The following GSK3B variants were observed in gnomAD, a reference collection of about 807,000 sequenced individuals.
GSK3B encodes the protein glycogen synthase kinase 3 beta.
GSK3B carries 15 observed loss-of-function variants against 56.4 expected under a neutral mutation model. That is an observed-to-expected ratio of 0.27 (90% CI 0.18 to 0.41). GSK3B has a LOEUF of 0.41. Ranked by LOEUF, GSK3B falls within the 10% of genes least tolerant of loss-of-function variation. The pLI, the probability that GSK3B is intolerant of heterozygous loss-of-function variation, is 1.00. For synonymous variants in GSK3B, 181 were observed against 188.9 expected (o/e 0.96, Z 0.34); for missense variants, 300 against 513.4 (o/e 0.58, Z 4.02).
chr3:119,850,797 G>C (rs1447135807), intron 9 of GSK3B, among the ~76,000 whole-genome samples: 1 of 152,140 alleles, frequency 6.6e-6, no homozygotes, highest in Non-Finnish European at 1.5e-5. Flanking sequence ...GTGTTGAAGA[G>C]ACTGAAATTG....
rs895324816 is a variant in GSK3B, at chr3:119,823,479, T to C, written c.*3309A>G. On this transcript the variant is annotated 3_prime_UTR_variant, in exon 11 of 11. Coordinates refer to ENST00000264235, the MANE Select transcript of GSK3B (RefSeq NM_001146156.2). ...ACTTCGATTTATAAAAAAACAATTC[T>C]CTGTCACTCTCTCATTTGGGAGGGA... 1.0e-5 allele frequency: 2 copies of C among 192,938 alleles called. No individual in the cohort carries two copies. Among genetic ancestry groups the C allele is most frequent in the Non-Finnish European group, 2.2e-5 (2 of 92,398 alleles). 12.0% of individuals were successfully genotyped at this position (192,938 alleles called of 1,614,324 possible).
chr3:119,847,010 C>T (rs62264708), intron 9 of GSK3B, among the ~76,000 whole-genome samples: 36,733 of 151,892 alleles, frequency 0.24, 4,895 homozygotes, highest in East Asian at 0.48. Flanking sequence ...AGCTGGAAAC[C>T]ATCATTCTCA....
At chr3:119,835,525 T>C (rs1321489281) in intron 10 of GSK3B, among the ~76,000 whole-genome samples, 2 of 152,212 alleles carry the variant, frequency 1.3e-5, no homozygotes, top group East Asian at 3.8e-4. Flanking sequence ...AGCCCATTTT[T>C]TAAAAAACAT....
chr3:119,922,448 T>C (rs2056852860), intron 4 of GSK3B, among the ~76,000 whole-genome samples: 1 of 147,946 alleles, frequency 6.8e-6, no homozygotes, highest in Admixed American at 6.8e-5. Flanking sequence ...ATATAGTGTA[T>C]ATTATATATA....
At chr3:119,895,765 G>A (rs769796816) in intron 7 of GSK3B, among the ~76,000 whole-genome samples, 1 of 152,100 alleles carries the variant, frequency 6.6e-6, no homozygotes. Flanking sequence ...TAATTGATCT[G>A]TATGGCTACA....
At chr3:119,924,857 G>C (rs1377423416) in intron 3 of GSK3B, among the ~76,000 whole-genome samples, 1 of 152,120 alleles carries the variant, frequency 6.6e-6, no homozygotes, top group East Asian at 1.9e-4. Flanking sequence ...GAGTAATTGT[G>C]ACAGAGACTA....
intron 7 of GSK3B, among the ~76,000 whole-genome samples, chr3:119,886,693 T>C (rs947782207): frequency 6.6e-6 from 1 of 151,816 alleles, no homozygotes; most frequent in Non-Finnish European, 1.5e-5. Context: ...CATGCAGCCA[T>C]AAAAAAAATT....
At chr3:120,008,170 C>A (rs1229277752) in intron 1 of GSK3B, among the ~76,000 whole-genome samples, 1 of 152,156 alleles carries the variant, frequency 6.6e-6, no homozygotes. Flanking sequence ...ATACAACTTA[C>A]AAGGGATGTG....
intron 1 of GSK3B, among the ~76,000 whole-genome samples, chr3:120,033,030 C>A (rs904274585): frequency 3.9e-5 from 6 of 152,174 alleles, no homozygotes; most frequent in Non-Finnish European, 8.8e-5. Flanking sequence ...CATTCCAGCC[C>A]TAAGGAAACA....
At chr3:120,029,649 G>C (rs1311791201) in intron 1 of GSK3B, 3 of 539,892 alleles carry the variant, frequency 5.6e-6, no homozygotes, top group Non-Finnish European at 1.1e-5. Context: ...CACATTCATA[G>C]CAGAGAATGC....
intron 9 of GSK3B, among the ~76,000 whole-genome samples, chr3:119,849,242 C>T (rs1463061185): frequency 1.3e-5 from 2 of 152,114 alleles, no homozygotes; most frequent in Non-Finnish European, 1.5e-5. Flanking sequence ...ATCCATCCAA[C>T]AATATTGAAC....
At chr3:119,976,044 A>G (rs1176731724) in intron 2 of GSK3B, among the ~76,000 whole-genome samples, 1 of 152,224 alleles carries the variant, frequency 6.6e-6, no homozygotes, top group Non-Finnish European at 1.5e-5. Context: ...GAGGATGGGT[A>G]TAATAAAAAA....
At chr3:119,929,347 AG>A (rs1227843062) in intron 3 of GSK3B, among the ~76,000 whole-genome samples, 4 of 152,200 alleles carry the variant, frequency 2.6e-5, no homozygotes, top group African/African-American at 4.8e-5. Flanking sequence ...TCAATCACAA[AG>A]TTTCTTGATT....
intron 1 of GSK3B, among the ~76,000 whole-genome samples, chr3:120,058,276 T>C (rs1418198086): frequency 6.6e-6 from 1 of 152,184 alleles, no homozygotes; most frequent in Non-Finnish European, 1.5e-5. Flanking sequence ...TTAACTACTA[T>C]GTAAAAATAT....
chr3:119,900,958 A>G (rs2056618932), intron 7 of GSK3B, among the ~76,000 whole-genome samples: 1 of 152,164 alleles, frequency 6.6e-6, no homozygotes, highest in Non-Finnish European at 1.5e-5. Context: ...TGCATTGAGC[A>G]TATAAAATCT....
chr3:120,061,404 C>G (rs2058235640), intron 1 of GSK3B, among the ~76,000 whole-genome samples: 1 of 152,214 alleles, frequency 6.6e-6, no homozygotes, highest in Non-Finnish European at 1.5e-5. Flanking sequence ...TCTGAAAATA[C>G]ACTGCACATA....
chr3:120,041,011 C>T (rs908924324), intron 1 of GSK3B, among the ~76,000 whole-genome samples: 11 of 152,206 alleles, frequency 7.2e-5, no homozygotes, highest in Admixed American at 4.6e-4. Flanking sequence ...GTAGGGTGGG[C>T]AGCATCAAGG....
In GSK3B at chr3:119,825,610, C is replaced by T. The variant is rs185646830; in HGVS notation, c.*1178G>A. 9.0e-4 allele frequency: 207 copies of T among 228,830 alleles called. 2 individuals carry two copies. Among genetic ancestry groups the T allele is most frequent in the Admixed American group, 1.2e-3 (21 of 17,650 alleles). The allele number at this position is 228,830 out of a possible 1,614,324, so 14.2% of individuals were successfully genotyped here. A position where few individuals can be genotyped will look rare whatever the true frequency, so the allele number is the denominator to read the frequency against. ...GTGTAGTTTTTAATATTTCTACCAT[C>T]TGACATGCATCAATAAATAAATGTA... is the stretch of plus-strand genomic sequence containing the variant. On this transcript the variant is annotated 3_prime_UTR_variant, in exon 11 of 11. Coordinates refer to ENST00000264235, the MANE Select transcript of GSK3B (RefSeq NM_001146156.2).
intron 4 of GSK3B, among the ~76,000 whole-genome samples, chr3:119,922,933 T>G (rs1298218812): frequency 6.6e-6 from 1 of 152,142 alleles, no homozygotes; most frequent in African/African-American, 2.4e-5. Context: ...ATATTTAAAA[T>G]TGCCAACAGT....
Sources: allele counts gnomAD v4.1 joint callset (sites outside exome capture counted in the v4.1 genomes callset), GRCh38; gene constraint gnomAD v4.1.1; transcripts MANE v1.5; gene names NCBI Gene and HGNC (gene_info 2026-07-23, HGNC 2026-07-21).